The following RABGAP1 variants were observed in gnomAD, a reference collection of about 807,000 sequenced individuals.
RABGAP1 encodes rab GTPase-activating protein 1.
RABGAP1 carries 23 observed loss-of-function variants against 137.6 expected under a neutral mutation model. The ratio of observed to expected loss-of-function variants is 0.17; its 90% CI spans 0.12 to 0.24. The LOEUF (loss-of-function observed/expected upper bound fraction) is 0.24. Among genes scored for constraint, RABGAP1 ranks in the 10% least tolerant of loss-of-function variants. The pLI is 1.00. For missense variants in RABGAP1, 906 were observed against 1,275.8 expected, an observed-to-expected ratio of 0.71 and a Z score of 4.42; for synonymous variants, 451 against 450.7, an observed-to-expected ratio of 1.00 and a Z score of -0.01.
At chr9:123,079,247 T>G (rs567319347) in intron 19 of RABGAP1, among the ~76,000 whole-genome samples, 7,043 of 148,868 alleles carry the variant, frequency 0.047, 216 homozygotes, top group Non-Finnish European at 0.069. Context: ...TTGTTTTTTT[T>G]TTTTTTTTTT....
At chr9:122,949,609 C>T (rs540856748) in intron 1 of RABGAP1, among the ~76,000 whole-genome samples, 3 of 148,002 alleles carry the variant, frequency 2.0e-5, no homozygotes, top group African/African-American at 2.6e-5. Context: ...GCAGGAGAAT[C>T]GCTTGAACTC....
rs557219342 is a variant in RABGAP1, at chr9:122,987,730, G to A, written c.590+1311G>A. On this transcript the variant is annotated intron_variant, in intron 4 of 25. Coordinates refer to ENST00000373647, the MANE Select transcript of RABGAP1 (RefSeq NM_012197.4). Reference sequence around the variant, plus strand: ...ATGATAGCTAGTTTTAATTATATGGGAATATCAGTGTTTTATAAATAGGTA... The same window carrying A: ...ATGATAGCTAGTTTTAATTATATGGAAATATCAGTGTTTTATAAATAGGTA... 3.3e-5 allele frequency among the ~76,000 whole-genome samples: 5 copies of A among 152,200 alleles called. No individual in the cohort carries two copies. In the Middle Eastern group the frequency reaches 0.01, roughly 311 times the overall value.
chr9:122,991,026 T>A (rs1235895982), intron 6 of RABGAP1, among the ~76,000 whole-genome samples: 1 of 151,178 alleles, frequency 6.6e-6, no homozygotes, highest in East Asian at 1.9e-4. Context: ...AGTCTAATCT[T>A]TTGTAGGGTT....
At chr9:123,031,530 A>G (rs763493566) in intron 13 of RABGAP1, among the ~76,000 whole-genome samples, 19 of 152,330 alleles carry the variant, frequency 1.2e-4, no homozygotes, top group Admixed American at 3.3e-4. Flanking sequence ...TAGAAAAATG[A>G]ACAAAACTGT....
intron 1 of RABGAP1, among the ~76,000 whole-genome samples, chr9:122,950,532 G>A (rs904287877): frequency 6.6e-6 from 1 of 151,976 alleles, no homozygotes; most frequent in Non-Finnish European, 1.5e-5. Context: ...GCATATAGTA[G>A]AGCCCTGCTG....
At chr9:122,989,517 G>C in intron 5 of RABGAP1, 46 bp downstream of exon 5, 1 of 1,551,174 alleles carries the variant, frequency 6.4e-7, no homozygotes, top group Non-Finnish European at 8.9e-7. Context: ...CTTCACCAGT[G>C]CCCTCACTAG....
At chr9:123,045,282 G>C (rs2033155481) in intron 13 of RABGAP1, among the ~76,000 whole-genome samples, 1 of 152,114 alleles carries the variant, frequency 6.6e-6, no homozygotes, top group Non-Finnish European at 1.5e-5. Flanking sequence ...AACCTCAACT[G>C]CCAAAGCCAT....
At chr9:123,057,840 C>T (rs1243953955) in intron 13 of RABGAP1, among the ~76,000 whole-genome samples, 2 of 152,220 alleles carry the variant, frequency 1.3e-5, no homozygotes, top group Non-Finnish European at 2.9e-5. Context: ...CACTCGCGGC[C>T]AGGAGCTGGA....
chr9:122,950,384 T>TTTC (rs1834176497), intron 1 of RABGAP1, among the ~76,000 whole-genome samples: 1 of 141,094 alleles, frequency 7.1e-6, no homozygotes, highest in East Asian at 2.0e-4. Flanking sequence ...TTTCTTTTTT[T>TTTC]TTTTTTTTTT....
At chr9:122,983,824 G>A (rs1390431583) in intron 2 of RABGAP1, among the ~76,000 whole-genome samples, 1 of 152,096 alleles carries the variant, frequency 6.6e-6, no homozygotes, top group African/African-American at 2.4e-5. Flanking sequence ...GCACTTACTT[G>A]CTTCCTTGTT....
intron 2 of RABGAP1, among the ~76,000 whole-genome samples, chr9:122,967,384 T>C (rs1414942430): frequency 6.6e-6 from 1 of 152,140 alleles, no homozygotes; most frequent in African/African-American, 2.4e-5. Context: ...ATGGATTTTA[T>C]TGAATGATTG....
chr9:123,002,959 A>C (rs1837413087), intron 10 of RABGAP1, among the ~76,000 whole-genome samples: 1 of 152,000 alleles, frequency 6.6e-6, no homozygotes, highest in Admixed American at 6.6e-5. Flanking sequence ...TCCCGATGAT[A>C]ATCTTTTATT....
chr9:123,088,924 A>G lies in RABGAP1; in HGVS notation c.2425-834A>G, dbSNP rs79939374. Among the ~76,000 whole-genome samples the G allele has an allele frequency of 8.5e-4, 129 of 152,320 alleles. 1 individual carries two copies. In the East Asian group the frequency reaches 0.023, roughly 28 times the overall value. On this transcript the variant is annotated intron_variant, in intron 19 of 25. Coordinates refer to ENST00000373647, the MANE Select transcript of RABGAP1 (RefSeq NM_012197.4). ...GGGGAGATGTAAGACCACTGGACAG[A>G]GGAAAAAGACACCACTGGTGACCTT...
At chr9:123,037,991 A>C in intron 13 of RABGAP1, among the ~76,000 whole-genome samples, 1 of 152,184 alleles carries the variant, frequency 6.6e-6, no homozygotes, top group East Asian at 1.9e-4. Flanking sequence ...TATCAGAGGA[A>C]ACATATACTT....
the RABGAP1 span, among the ~76,000 whole-genome samples, chr9:122,931,686 C>T: frequency 1.3e-5 from 2 of 152,220 alleles, no homozygotes; most frequent in Admixed American, 1.3e-4. Context: ...CGGAGGGCAC[C>T]GTACTCTGGG....
intron 2 of RABGAP1, among the ~76,000 whole-genome samples, chr9:122,964,992 G>C (rs181095641): frequency 5.1e-4 from 77 of 152,172 alleles, no homozygotes; most frequent in Middle Eastern, 6.8e-3. Flanking sequence ...GGGAGACCCT[G>C]TCTCTACTTA....
intron 22 of RABGAP1, 76 bp from the exon 23 acceptor site, chr9:123,098,638 TA>T: frequency 1.5e-6 from 2 of 1,294,990 alleles, no homozygotes; most frequent in Non-Finnish European, 2.2e-6. Flanking sequence ...TTGGGAAGCC[TA>T]GCACTAAGCG....
At chr9:122,976,189 G>A (rs953841353) in intron 2 of RABGAP1, among the ~76,000 whole-genome samples, 5 of 152,046 alleles carry the variant, frequency 3.3e-5, no homozygotes, top group Non-Finnish European at 7.3e-5. Context: ...GCTGCTAAAT[G>A]CTAAATTGGC....
chr9:122,987,195 G>T (rs1304244095), intron 4 of RABGAP1, among the ~76,000 whole-genome samples: 1 of 152,148 alleles, frequency 6.6e-6, no homozygotes, highest in African/African-American at 2.4e-5. Context: ...GCCTCTAGCT[G>T]TTTATACTAA....
Sources: allele counts gnomAD v4.1 joint callset (sites outside exome capture counted in the v4.1 genomes callset), GRCh38; gene constraint gnomAD v4.1.1; transcripts MANE v1.5; gene names NCBI Gene and HGNC (gene_info 2026-07-23, HGNC 2026-07-21).